The following NKAIN1 variants were observed in gnomAD, a reference collection of about 807,000 sequenced individuals.
NKAIN1 encodes sodium/potassium-transporting ATPase subunit beta-1-interacting protein 1.
In NKAIN1, 13 loss-of-function variants were observed where a neutral mutation model predicts 31.6. The observed-to-expected ratio is 0.41, with a 90% CI of 0.27 to 0.65. The LOEUF is 0.65. NKAIN1 is among the 30% of genes least tolerant of loss of function. The pLI, the probability that NKAIN1 is intolerant of heterozygous loss-of-function variation, is 0.30. For missense variants in NKAIN1, 193 were observed against 262.2 expected, an observed-to-expected ratio of 0.74 and a Z score of 1.82; for synonymous variants, 104 against 109.0, an observed-to-expected ratio of 0.95 and a Z score of 0.28.
At chr1:31,182,251 G>A (rs1005047591) in intron 5 of NKAIN1, among the ~76,000 whole-genome samples, 6 of 152,178 alleles carry the variant, frequency 3.9e-5, no homozygotes, top group Admixed American at 6.5e-5. Flanking sequence ...GGCTCTCAGG[G>A]GCGGGGCTAG....
chr1:31,223,443 G>T (rs1645579069), intron 1 of NKAIN1, among the ~76,000 whole-genome samples: 1 of 150,950 alleles, frequency 6.6e-6, no homozygotes, highest in African/African-American at 2.4e-5. Context: ...TGTTTGTTTT[G>T]TTTTGTTTTG....
chr1:31,228,660 C>T (rs1373804521), intron 1 of NKAIN1, among the ~76,000 whole-genome samples: 1 of 152,046 alleles, frequency 6.6e-6, no homozygotes, highest in Non-Finnish European at 1.5e-5. Context: ...GCGGCATGAT[C>T]TCGGCTCACT....
rs1645196539 is a variant in NKAIN1 at position 31,181,444 on chromosome 1, C to CA, written c.*258dup. 2.5e-6 allele frequency: 1 copy of CA among 402,442 alleles called. No homozygotes were observed. 24.9% of individuals were successfully genotyped at this position (402,442 alleles called of 1,614,324 possible). A position where few individuals can be genotyped will look rare whatever the true frequency, so the allele number is the denominator to read the frequency against. On this transcript the variant is annotated 3_prime_UTR_variant, in exon 7 of 7. Transcript: ENST00000373736. ...AAGGCTGAGATTAAAAACAAACAAA[C>CA]AAAAAACAAAAAACCCGTGGTGCCC...
At position 31,239,533 on chromosome 1, in the gene NKAIN1, G is replaced by C; in HGVS notation, c.15C>G (p.Ser5Arg). The part of the protein sequence containing the change: MGKC[S>R]GRCTLVAFCC... ...AGAAGGCGACCAGCGTGCAGCGCCC[G>C]CTGCACTTGCCCATGGCTCCGGGGG... The change falls in exon 1 of 7, where the codon AGC becomes AGG. Residue 5 changes from serine to arginine, a missense_variant. Physicochemically the swap from Ser to Arg is moderately radical, Grantham distance 110. Transcript: ENST00000373736. This position sits in a 1 kb window ranked among gnomAD's most constrained non-coding sequence, Gnocchi z 4.8. The C allele has an allele frequency of 2.2e-6, 3 of 1,349,974 alleles. No homozygotes were observed. Among genetic ancestry groups the C allele is most frequent in the Non-Finnish European group, 2.8e-6 (3 of 1,055,216 alleles). The allele number at this position is 1,349,974 out of a possible 1,614,324, so 83.6% of individuals were successfully genotyped here.
At chr1:31,215,971 C>T (rs1570470645) in intron 1 of NKAIN1, among the ~76,000 whole-genome samples, 3 of 152,132 alleles carry the variant, frequency 2.0e-5, no homozygotes, top group African/African-American at 2.4e-5. Flanking sequence ...CCTCGTTCTA[C>T]GAAGGGGACA....
intron 1 of NKAIN1, among the ~76,000 whole-genome samples, chr1:31,197,405 C>T (rs1300646374): frequency 6.6e-6 from 1 of 152,178 alleles, no homozygotes; most frequent in African/African-American, 2.4e-5. Context: ...GCTACCACGT[C>T]TGGCCTAATT....
chr1:31,219,535 C>G (rs115332226), intron 1 of NKAIN1, among the ~76,000 whole-genome samples: 1 of 152,226 alleles, frequency 6.6e-6, no homozygotes, highest in African/African-American at 2.4e-5. Context: ...AGCATGTCCC[C>G]CTGATCCTGT....
At position 31,181,079 on chromosome 1, in the gene NKAIN1, T is replaced by C. The variant is rs1471325483; in HGVS notation, c.*624A>G. The C allele has an allele frequency of 6.6e-6, 1 of 152,274 alleles. No individual in the cohort carries two copies. The highest frequency in any genetic ancestry group is 1.5e-5 in the Non-Finnish European group (1 of 68,068). The allele number at this position is 152,274 out of a possible 1,614,324, so 9.4% of individuals were successfully genotyped here. On this transcript the variant is annotated 3_prime_UTR_variant, in exon 7 of 7. Coordinates refer to ENST00000373736, the MANE Select transcript of NKAIN1 (RefSeq NM_024522.3). Reference sequence around the variant, plus strand: ...ACATCTCTGGGCCTCAGTTTTAATGTACTGCAAAATGAGAATTTTAATCCC... The same window carrying C: ...ACATCTCTGGGCCTCAGTTTTAATGCACTGCAAAATGAGAATTTTAATCCC...
At chr1:31,200,045 A>ACGTGCATG (rs1645366458) in intron 1 of NKAIN1, among the ~76,000 whole-genome samples, 2 of 151,452 alleles carry the variant, frequency 1.3e-5, no homozygotes, top group Non-Finnish European at 3.0e-5. Context: ...ACACATGCAC[A>ACGTGCATG]CGTGCACACA....
intron 2 of NKAIN1, 121 bp downstream of exon 2, chr1:31,187,929 G>A (rs1326667212): frequency 2.8e-6 from 3 of 1,074,218 alleles, no homozygotes; most frequent in Non-Finnish European, 4.0e-6. Flanking sequence ...CTTGTTTTGG[G>A]TGGAGCCAAG....
intron 2 of NKAIN1, 144 bp downstream of exon 2, chr1:31,187,906 A>G (rs1303203524): frequency 1.2e-6 from 1 of 840,846 alleles, no homozygotes; most frequent in Non-Finnish European, 1.8e-6. Flanking sequence ...GGGGCTGTGC[A>G]CATTCACCCC....
chr1:31,227,753 G>A (rs951549035), intron 1 of NKAIN1, among the ~76,000 whole-genome samples: 4 of 152,180 alleles, frequency 2.6e-5, no homozygotes, highest in Non-Finnish European at 5.9e-5. Context: ...AGCGTGAGAT[G>A]TATGAATGGA....
intron 1 of NKAIN1, among the ~76,000 whole-genome samples, chr1:31,228,196 GTAA>G (rs1645622364): frequency 6.6e-6 from 1 of 152,166 alleles, no homozygotes; most frequent in Non-Finnish European, 1.5e-5. Flanking sequence ...ATTTAATTGT[GTAA>G]TTGAAAACCC....
chr1:31,217,289 C>T (rs1347191430), intron 1 of NKAIN1, among the ~76,000 whole-genome samples: 1 of 152,186 alleles, frequency 6.6e-6, no homozygotes, highest in Non-Finnish European at 1.5e-5. Context: ...CTCAGCCTCC[C>T]ATGTAGCTAG....
At chr1:31,199,774 C>T (rs568175434) in intron 1 of NKAIN1, among the ~76,000 whole-genome samples, 9 of 152,324 alleles carry the variant, frequency 5.9e-5, no homozygotes, top group Middle Eastern at 6.8e-3. Context: ...CCAGTAAGGA[C>T]TCAATTCATT....
Position 31,182,604 on chromosome 1 carries a change from T to G in NKAIN1, c.472-14A>C. Reference sequence around the variant, plus strand: ...GAAGCCGAACAGCTGGGAGTGGAGATGACACGTCAGGGAGGAAGGAGGAGT... The same window carrying G: ...GAAGCCGAACAGCTGGGAGTGGAGAGGACACGTCAGGGAGGAAGGAGGAGT... On this transcript the variant is annotated splice_polypyrimidine_tract_variant and intron_variant, in intron 4 of 6. Transcript: ENST00000373736. 1 of 1,613,858 alleles carries G rather than the reference T, an allele frequency of 6.2e-7. No individual in the cohort carries two copies. Among genetic ancestry groups the G allele is most frequent in the Non-Finnish European group, 8.5e-7 (1 of 1,179,788 alleles).
chr1:31,208,731 C>T (rs148926964), intron 1 of NKAIN1, among the ~76,000 whole-genome samples: 4 of 152,126 alleles, frequency 2.6e-5, no homozygotes, highest in African/African-American at 9.7e-5. Flanking sequence ...ACTTTGAGAG[C>T]GGTCAGCCCT....
chr1:31,198,496 A>T (rs1158604189), intron 1 of NKAIN1, among the ~76,000 whole-genome samples: 1 of 151,588 alleles, frequency 6.6e-6, no homozygotes, highest in African/African-American at 2.4e-5. Flanking sequence ...CATGCTCCCC[A>T]CTTGTTCCAC....
intron 1 of NKAIN1, among the ~76,000 whole-genome samples, chr1:31,237,437 G>A (rs1463303270): frequency 6.6e-6 from 1 of 152,086 alleles, no homozygotes; most frequent in South Asian, 2.1e-4. Flanking sequence ...AACAGAGAAT[G>A]AGCATGGGAC....
Sources: allele counts gnomAD v4.1 joint callset (sites outside exome capture counted in the v4.1 genomes callset), GRCh38; gene constraint gnomAD v4.1.1; non-coding constraint Gnocchi (gnomAD v3.1); transcripts MANE v1.5; gene names NCBI Gene and HGNC (gene_info 2026-07-23, HGNC 2026-07-21).